The following ARHGEF10L variants were observed in gnomAD, a reference collection of about 807,000 sequenced individuals.
The protein encoded by ARHGEF10L is Rho guanine nucleotide exchange factor 10 like, also known as rho guanine nucleotide exchange factor 10-like protein.
In ARHGEF10L, 69 loss-of-function variants were observed where a neutral mutation model predicts 141.2. That is an observed-to-expected ratio of 0.49 (90% confidence interval 0.40 to 0.60). The LOEUF (loss-of-function observed/expected upper bound fraction) is 0.60, where lower values mean the gene tolerates loss of function less well. ARHGEF10L is among the 20% of genes least tolerant of loss of function. ARHGEF10L has a pLI of 0.00. For synonymous variants in ARHGEF10L, 711 were observed against 718.5 expected (o/e 0.99, Z 0.17); for missense variants, 1,482 against 1,734.3 (o/e 0.85, Z 2.58).
Position 17,615,313 on chromosome 1 carries a change from T to C in ARHGEF10L, c.727-781T>C, listed in dbSNP as rs528552896. 6.6e-6 allele frequency: 1 copy of C among 152,194 alleles called. No individual in the cohort carries two copies. The highest frequency in any genetic ancestry group is 6.5e-5 in the Admixed American group (1 of 15,276). 9.4% of individuals were successfully genotyped at this position (152,194 alleles called of 1,614,324 possible). ...GGACAGCAGCTCTGTCAGGCCTGGG[T>C]TCCCCCAGCACCTCGGATGCCCACT... On this transcript the variant is annotated intron_variant, in intron 8 of 28. Transcript: ENST00000361221. This position sits in a 1 kb window ranked among gnomAD's most constrained non-coding sequence, Gnocchi z 4.7.
chr1:17,611,850 C>G (rs532990339), intron 7 of ARHGEF10L, among the ~76,000 whole-genome samples: 5 of 152,238 alleles, frequency 3.3e-5, no homozygotes, highest in Non-Finnish European at 5.9e-5. Context: ...CTTCTGTCTA[C>G]TTCTCTAGAA....
chr1:17,639,817 C>G lies in ARHGEF10L; in HGVS notation c.2172-385C>G. 1 of 1,321,100 alleles carries G rather than the reference C, an allele frequency of 7.6e-7. No individual in the cohort carries two copies. The highest frequency in any genetic ancestry group is 9.9e-7 in the Non-Finnish European group (1 of 1,009,074). The allele number at this position is 1,321,100 out of a possible 1,614,324, so 81.8% of individuals were successfully genotyped here. A position where few individuals can be genotyped will look rare whatever the true frequency, so the allele number is the denominator to read the frequency against. On this transcript the variant is annotated intron_variant, in intron 20 of 28. Coordinates refer to ENST00000361221, the MANE Select transcript of ARHGEF10L (RefSeq NM_018125.4). This position sits in a 1 kb window ranked among gnomAD's most constrained non-coding sequence, Gnocchi z 4.3. ...GCTGGGAACAGACCCAAGTGAGACC[C>G]ATTCCTCCCTCTAGAGGCACGTGGT...
rs2060455112 is a variant in ARHGEF10L at position 17,627,552 on chromosome 1, G to A, written c.1584+49G>A. 10 of 1,588,682 alleles carry A rather than the reference G, an allele frequency of 6.3e-6. No individual in the cohort carries two copies. Among genetic ancestry groups the A allele is most frequent in the Non-Finnish European group, 8.6e-6 (10 of 1,167,148 alleles). On this transcript the variant is annotated intron_variant, in intron 15 of 28. Coordinates refer to ENST00000361221, the MANE Select transcript of ARHGEF10L (RefSeq NM_018125.4). The surrounding 1 kb of genome is among the most constrained non-coding windows in gnomAD (Gnocchi z 4.0). ...TGCCCTCACCTGCCTGCCCTCACCT[G>A]TGCTCCTGCCCGTGCCCCTGCCCCA...
intron 6 of ARHGEF10L, among the ~76,000 whole-genome samples, chr1:17,605,368 G>A (rs2081072496): frequency 6.6e-6 from 1 of 152,142 alleles, no homozygotes; most frequent in African/African-American, 2.4e-5. Flanking sequence ...GTAGAACTGG[G>A]GCAATAATAG....
At chr1:17,531,915 T>C in the ARHGEF10L span, among the ~76,000 whole-genome samples, 1 of 152,156 alleles carries the variant, frequency 6.6e-6, no homozygotes, top group Non-Finnish European at 1.5e-5. Flanking sequence ...TGTGAGATGA[T>C]GAAGGTTTCT....
intron 2 of ARHGEF10L, among the ~76,000 whole-genome samples, chr1:17,585,860 G>A (rs1043648802): frequency 2.6e-5 from 4 of 152,162 alleles, no homozygotes; most frequent in Non-Finnish European, 5.9e-5. Flanking sequence ...CCAGGGCTGG[G>A]TCCGCAGACC....
At chr1:17,580,529 C>T (rs371577717) in intron 1 of ARHGEF10L, 24 bp from the exon 2 acceptor site, 293 of 1,603,360 alleles carry the variant, frequency 1.8e-4, no homozygotes, top group Non-Finnish European at 2.4e-4. Flanking sequence ...CCAGCTAATG[C>T]GATTTCTGGT....
intron 22 of ARHGEF10L, among the ~76,000 whole-genome samples, chr1:17,651,889 C>A (rs2061957969): frequency 6.6e-6 from 1 of 152,212 alleles, no homozygotes; most frequent in South Asian, 2.1e-4. Context: ...CACCCTACCC[C>A]ACCCCACCAC....
chr1:17,589,100 G>A (rs1012434898), intron 4 of ARHGEF10L, among the ~76,000 whole-genome samples: 2 of 152,104 alleles, frequency 1.3e-5, no homozygotes, highest in Non-Finnish European at 2.9e-5. Context: ...GAGGGCCTGC[G>A]TCTTGGCTGT....
intron 1 of ARHGEF10L, among the ~76,000 whole-genome samples, chr1:17,580,049 C>A (rs2078418287): frequency 6.6e-6 from 1 of 152,230 alleles, no homozygotes; most frequent in Non-Finnish European, 1.5e-5. Context: ...ACCCATGGGG[C>A]AGGACAGGAA....
chr1:17,581,862 T>C, intron 2 of ARHGEF10L, among the ~76,000 whole-genome samples: 1 of 136,324 alleles, frequency 7.3e-6, no homozygotes, highest in South Asian at 2.8e-4. Flanking sequence ...TCCTCCTCCC[T>C]GAGCCTCGGG....
intron 2 of ARHGEF10L, 41 bp from the exon 3 acceptor site, chr1:17,587,419 T>C: frequency 6.3e-7 from 1 of 1,588,902 alleles, no homozygotes; most frequent in East Asian, 2.2e-5. Flanking sequence ...TGACCAAACC[T>C]CGGAGATCCT....
chr1:17,638,630 A>G lies in ARHGEF10L; in HGVS notation c.2112A>G (p.Glu704=). The part of the protein sequence containing the change: ...ALQRLMRVKE[E]EIHSANKCRL... ...AGAGGCTGATGCGGGTGAAGGAGGA[A>G]GAGATCCACTCGGCCAACAAGTGCC... The change falls in exon 20 of 29, where the codon GAA becomes GAG. Residue 704 remains glutamate, a synonymous_variant. Transcript: ENST00000361221. The G allele has an allele frequency of 6.2e-7, 1 of 1,613,516 alleles. No individual in the cohort carries two copies. The highest frequency in any genetic ancestry group is 2.2e-5 in the East Asian group (1 of 44,868).
chr1:17,689,250 T>C (rs1316449073), intron 27 of ARHGEF10L, among the ~76,000 whole-genome samples: 3 of 151,814 alleles, frequency 2.0e-5, no homozygotes, highest in Non-Finnish European at 2.9e-5. Flanking sequence ...TCCCTTAATC[T>C]CCCGGAGCCC....
intron 21 of ARHGEF10L, among the ~76,000 whole-genome samples, chr1:17,647,206 G>A (rs954070462): frequency 4.6e-5 from 7 of 152,196 alleles, no homozygotes; most frequent in Non-Finnish European, 1.0e-4. Context: ...AGTCTTGGGT[G>A]TCAGATCTAG....
At position 17,607,840 on chromosome 1, in the gene ARHGEF10L, G is replaced by T; in HGVS notation, c.472G>T (p.Ala158Ser). 1 of 1,592,814 alleles carries T rather than the reference G, an allele frequency of 6.3e-7. No individual in the cohort carries two copies. The highest frequency in any genetic ancestry group is 8.5e-7 in the Non-Finnish European group (1 of 1,170,716). ...CCTGCTCTACGAGGATGCGCACCGG[G>T]CTGGGGCCCCTCGGCAGGCGGAGGA... ...RNLLYEDAHRAGAPRQAEDLG... is the reference protein window; with the variant it reads ...RNLLYEDAHRSGAPRQAEDLG... The change falls in exon 7 of 29, where the codon GCT becomes TCT. Residue 158 changes from alanine (A) to serine (S), a missense_variant. By Grantham distance (99) the Ala-to-Ser change is moderately conservative. This residue lies in a region of ARHGEF10L where 232 missense variants were observed against 225.9 expected (regional missense o/e 1.03). Coordinates refer to ENST00000361221, the MANE Select transcript of ARHGEF10L (RefSeq NM_018125.4). This position sits in a 1 kb window ranked among gnomAD's most constrained non-coding sequence, Gnocchi z 4.5.
At chr1:17,633,850 A>G (rs555801274) in intron 16 of ARHGEF10L, among the ~76,000 whole-genome samples, 3 of 152,252 alleles carry the variant, frequency 2.0e-5, no homozygotes, top group South Asian at 2.1e-4. Flanking sequence ...GGGATTTTCC[A>G]TGGTTACCGA....
intron 1 of ARHGEF10L, among the ~76,000 whole-genome samples, chr1:17,567,390 G>A (rs1011648330): frequency 1.7e-4 from 26 of 152,046 alleles, no homozygotes; most frequent in Non-Finnish European, 8.8e-5. Flanking sequence ...TTTTTGAGAT[G>A]TAGTCTCACT....
intron 26 of ARHGEF10L, among the ~76,000 whole-genome samples, chr1:17,674,481 C>T (rs2063517413): frequency 6.6e-6 from 1 of 152,194 alleles, no homozygotes; most frequent in African/African-American, 2.4e-5. Context: ...ACGTGCCCAG[C>T]TGTGAGGCAG....
Sources: gnomAD v4.1 joint callset for allele counts (sites outside exome capture counted in the v4.1 genomes callset) on GRCh38, gnomAD v4.1.1 for gene constraint, gnomAD v4.1.1 regional missense constraint, Gnocchi (gnomAD v3.1) non-coding constraint, MANE v1.5 for transcripts, NCBI Gene and HGNC (gene_info 2026-07-23, HGNC 2026-07-21) for gene names.